RIN2: variants seen among roughly 807,000 people sequenced by gnomAD.
The protein encoded by RIN2 is RAB5 interacting protein 2.
Under a neutral mutation model 78.0 loss-of-function variants are expected in RIN2, and 36 were observed. That is an observed-to-expected ratio of 0.46 (90% CI 0.35 to 0.61). RIN2 has a LOEUF of 0.61. Among genes scored for constraint, RIN2 ranks in the 20% least tolerant of loss-of-function variants. The pLI, the probability that RIN2 is intolerant of heterozygous loss-of-function variation, is 0.00. For synonymous variants in RIN2, 466 were observed against 466.8 expected, an observed-to-expected ratio of 1.00 and a Z score of 0.02; for missense variants, 1,087 against 1,159.7, an observed-to-expected ratio of 0.94 and a Z score of 0.91.
At chr20:19,917,661 C>T (rs1052323554) in intron 3 of RIN2, among the ~76,000 whole-genome samples, 1 of 152,196 alleles carries the variant, frequency 6.6e-6, no homozygotes, top group Non-Finnish European at 1.5e-5. Context: ...GCTCAGAGAA[C>T]ACATACTTTT....
At chr20:19,788,507 C>G (rs2034779684) in intron 1 of RIN2, among the ~76,000 whole-genome samples, 2 of 148,158 alleles carry the variant, frequency 1.3e-5, no homozygotes, top group Non-Finnish European at 1.5e-5. Context: ...AAGGCTGAGG[C>G]AGGAGAATCA....
chr20:19,836,245 C>T (rs1009922251), intron 2 of RIN2, among the ~76,000 whole-genome samples: 6 of 152,198 alleles, frequency 3.9e-5, no homozygotes, highest in Admixed American at 2.6e-4. Context: ...GCGATTATAA[C>T]ACTGAACATA....
chr20:19,796,814 A>G (rs1047641286), intron 1 of RIN2, among the ~76,000 whole-genome samples: 5 of 152,204 alleles, frequency 3.3e-5, no homozygotes, highest in Admixed American at 6.5e-5. Context: ...AAGTAATTTC[A>G]GTGTCTGCCT....
At position 19,974,973 on chromosome 20, in the gene RIN2, T is replaced by A; in HGVS notation, c.948T>A (p.Ile316=). ...CACCCAGGCCCCCGCCACCCGCTAT[T>A]AATAGTCTCCACACAAGCCCTCGGC... ...SPPPRPPPPA[I]NSLHTSPRLA... is the part of the protein sequence containing the mutation. Residue 316 remains isoleucine, a synonymous_variant, in exon 9 of 13, where the codon ATT becomes ATA. Transcript: ENST00000255006. 1.2e-6 allele frequency: 2 copies of A among 1,612,566 alleles called. No individual in the cohort carries two copies. Among genetic ancestry groups the A allele is most frequent in the Non-Finnish European group, 1.7e-6 (2 of 1,179,420 alleles).
intron 2 of RIN2, among the ~76,000 whole-genome samples, chr20:19,875,651 A>G (rs2037833912): frequency 6.6e-6 from 1 of 152,198 alleles, no homozygotes; most frequent in Non-Finnish European, 1.5e-5. Flanking sequence ...ATAAATAAAA[A>G]ATGGGTTGCA....
intron 2 of RIN2, among the ~76,000 whole-genome samples, chr20:19,835,100 G>GA (rs773722938): frequency 5.0e-5 from 1 of 20,060 alleles, no homozygotes; most frequent in East Asian, 6.2e-3. Flanking sequence ...AAAGAAAGAA[G>GA]AAAGAAAGAA....
chr20:19,769,672 A>G (rs554566341), intron 1 of RIN2, among the ~76,000 whole-genome samples: 8 of 152,370 alleles, frequency 5.3e-5, no homozygotes, highest in African/African-American at 1.9e-4. Context: ...ACAAACCACT[A>G]GTAAGAATTC....
At chr20:19,780,988 C>T (rs914034316) in intron 1 of RIN2, among the ~76,000 whole-genome samples, 5 of 152,236 alleles carry the variant, frequency 3.3e-5, no homozygotes, top group East Asian at 1.9e-4. Flanking sequence ...GTGGTTGCAG[C>T]GAGCCACTAA....
chr20:19,795,072 A>T (rs756173107), intron 1 of RIN2, among the ~76,000 whole-genome samples: 2 of 152,198 alleles, frequency 1.3e-5, no homozygotes, highest in Non-Finnish European at 2.9e-5. Context: ...AAACACAGGC[A>T]CTTTGCTGAG....
intron 2 of RIN2, among the ~76,000 whole-genome samples, chr20:19,879,737 C>T (rs749849115): frequency 3.4e-4 from 51 of 152,152 alleles, no homozygotes; most frequent in South Asian, 1.0e-3. Flanking sequence ...GACAAACACC[C>T]GGAGACTTCT....
intron 2 of RIN2, among the ~76,000 whole-genome samples, chr20:19,863,180 A>G (rs138173808): frequency 4.5e-4 from 68 of 152,376 alleles, no homozygotes; most frequent in African/African-American, 1.6e-3. Context: ...TCATTTATGC[A>G]TGTGGCCTCT....
intron 2 of RIN2, among the ~76,000 whole-genome samples, chr20:19,831,940 C>T (rs746657011): frequency 2.6e-5 from 4 of 152,116 alleles, no homozygotes; most frequent in Non-Finnish European, 5.9e-5. Context: ...TTCTACCATA[C>T]AGATAATGTT....
intron 2 of RIN2, among the ~76,000 whole-genome samples, chr20:19,832,696 A>T (rs2036285638): frequency 1.3e-5 from 2 of 151,940 alleles, no homozygotes. Flanking sequence ...GTCCAAGAAG[A>T]AGACACCAGC....
intron 7 of RIN2, among the ~76,000 whole-genome samples, chr20:19,968,106 G>C (rs1474188077): frequency 6.6e-6 from 1 of 152,106 alleles, no homozygotes. Flanking sequence ...ACCTCCATTA[G>C]CTCTGCGAAG....
intron 3 of RIN2, among the ~76,000 whole-genome samples, chr20:19,900,054 A>G (rs1480484640): frequency 3.9e-5 from 6 of 152,250 alleles, no homozygotes; most frequent in African/African-American, 1.4e-4. Context: ...GGAGCATACA[A>G]GTCCCTTCTA....
chr20:19,842,208 G>GT (rs760874785), intron 2 of RIN2, among the ~76,000 whole-genome samples: 3 of 66,796 alleles, frequency 4.5e-5, no homozygotes, highest in African/African-American at 5.7e-5. Context: ...TTGTTTCTTT[G>GT]TTTTTTTTGT....
intron 2 of RIN2, among the ~76,000 whole-genome samples, chr20:19,885,588 C>A (rs892763388): frequency 3.3e-5 from 5 of 152,106 alleles, no homozygotes; most frequent in Admixed American, 3.3e-4. Flanking sequence ...ATCACTTGAA[C>A]CCTGGAGGCG....
chr20:19,850,325 A>C (rs1403960181), intron 2 of RIN2, among the ~76,000 whole-genome samples: 3 of 152,110 alleles, frequency 2.0e-5, no homozygotes, highest in Non-Finnish European at 4.4e-5. Flanking sequence ...CTGTTGTCCT[A>C]GCACAGTCTG....
chr20:19,826,977 T>TG (rs2036109508), intron 2 of RIN2, among the ~76,000 whole-genome samples: 1 of 146,810 alleles, frequency 6.8e-6, no homozygotes, highest in Non-Finnish European at 1.5e-5. Context: ...GGTTTTGGGT[T>TG]TTTTTTTTTT....
Sources: gnomAD v4.1 joint callset for allele counts (sites outside exome capture counted in the v4.1 genomes callset) on GRCh38, gnomAD v4.1.1 for gene constraint, MANE v1.5 for transcripts, NCBI Gene and HGNC (gene_info 2026-07-23, HGNC 2026-07-21) for gene names.